The following SCAANT1 variants were observed in gnomAD, a reference collection of about 807,000 sequenced individuals.
SCAANT1 encodes SCA7/ATXN7 antisense RNA 1, also known as ATXN7 antisense RNA 1 (non-protein coding).
chr3:63,912,068 G>C (rs1231331195), upstream of SCAANT1: 1 of 152,230 alleles, frequency 6.6e-6, no homozygotes. Flanking sequence ...AGGAGGCGGC[G>C]GGAGGCGTCT....
At chr3:63,912,121 C>A (rs1053759105), upstream of SCAANT1, 16 of 152,260 alleles carry the variant, frequency 1.1e-4, no homozygotes, top group African/African-American at 3.4e-4. Flanking sequence ...CGGACGGACG[C>A]GCGGACGGAA....
upstream of SCAANT1, chr3:63,912,254 G>C (rs1197986545): frequency 6.6e-6 from 1 of 151,948 alleles, no homozygotes; most frequent in Non-Finnish European, 1.5e-5. Flanking sequence ...CGCGGGGTTG[G>C]AGCCGGGCCG....
chr3:63,912,044 G>A (rs1575881348), upstream of SCAANT1: 1 of 152,318 alleles, frequency 6.6e-6, no homozygotes, highest in African/African-American at 2.4e-5. Context: ...GAGAGGGAGG[G>A]ACCGGCAAGT....
chr3:63,912,340 C>T (rs1341466678), upstream of SCAANT1, among the ~76,000 whole-genome samples: 2 of 151,536 alleles, frequency 1.3e-5, no homozygotes, highest in Non-Finnish European at 1.5e-5. Context: ...GGCGGGCCGC[C>T]TGCTGCCCGT....
At chr3:63,912,079 C>G (rs909186184), upstream of SCAANT1, 1 of 152,254 alleles carries the variant, frequency 6.6e-6, no homozygotes, top group Non-Finnish European at 1.5e-5. Context: ...GGAGGCGTCT[C>G]CGCTTAAGGG....
At chr3:63,912,112 G>A (rs1036387215), upstream of SCAANT1, 1 of 152,186 alleles carries the variant, frequency 6.6e-6, no homozygotes, top group Non-Finnish European at 1.5e-5. Flanking sequence ...GCCGCCGCTC[G>A]GACGGACGCG....
At chr3:63,912,208 G>A (rs1390562915), upstream of SCAANT1, 1 of 152,314 alleles carries the variant, frequency 6.6e-6, no homozygotes, top group African/African-American at 2.4e-5. Context: ...CCTGGGGTGC[G>A]GCTCGGGCTT....
chr3:63,912,230 C>G (rs1704049076), upstream of SCAANT1: 1 of 152,006 alleles, frequency 6.6e-6, no homozygotes. Flanking sequence ...CCCGCGCGGG[C>G]TGCCATGGTG....
chr3:63,911,979 C>T (rs1234077301), upstream of SCAANT1: 1 of 152,336 alleles, frequency 6.6e-6, no homozygotes, highest in Non-Finnish European at 1.5e-5. Context: ...GCATTTCCGA[C>T]TTCGCCCTGG....
upstream of SCAANT1, chr3:63,912,080 C>A (rs981259483): frequency 1.3e-5 from 2 of 152,152 alleles, no homozygotes; most frequent in Non-Finnish European, 2.9e-5. Context: ...GAGGCGTCTC[C>A]GCTTAAGGGA....
upstream of SCAANT1, chr3:63,912,001 G>A (rs1321500118): frequency 3.9e-5 from 6 of 152,336 alleles, no homozygotes; most frequent in African/African-American, 1.2e-4. Context: ...TCCAGTCCGG[G>A]GGCTTGACGT....
chr3:63,912,109 C>T (rs926689117), upstream of SCAANT1: 1 of 152,206 alleles, frequency 6.6e-6, no homozygotes, highest in African/African-American at 2.4e-5. Context: ...GGTGCCGCCG[C>T]TCGGACGGAC....
At chr3:63,912,004 C>T (rs1704034374), upstream of SCAANT1, 1 of 152,326 alleles carries the variant, frequency 6.6e-6, no homozygotes, top group Non-Finnish European at 1.5e-5. Context: ...AGTCCGGGGG[C>T]TTGACGTGCA....
exon 1 of SCAANT1, chr3:63,911,660 TTC>T (rs1427376948): frequency 6.6e-6 from 1 of 152,244 alleles, no homozygotes; most frequent in Non-Finnish European, 1.5e-5. Context: ...TGATCTCATG[TTC>T]TCTCTTTGCT....
exon 1 of SCAANT1, chr3:63,911,538 AC>A: frequency 6.6e-6 from 1 of 152,312 alleles, no homozygotes; most frequent in East Asian, 1.9e-4. Flanking sequence ...TCAGATTTTT[AC>A]TTTTGGGGTG....
At chr3:63,911,958 C>T (rs1006068621), upstream of SCAANT1, 1 of 152,514 alleles carries the variant, frequency 6.6e-6, no homozygotes, top group East Asian at 1.9e-4. Flanking sequence ...CCGGCTCCTC[C>T]ATAGGTGGCT....
At chr3:63,912,011 T>C (rs1268984034), upstream of SCAANT1, 1 of 152,130 alleles carries the variant, frequency 6.6e-6, no homozygotes, top group Non-Finnish European at 1.5e-5. Flanking sequence ...GGGCTTGACG[T>C]GCAAACTTCG....
At chr3:63,912,288 G>C (rs1431642440), upstream of SCAANT1, 1 of 152,042 alleles carries the variant, frequency 6.6e-6, no homozygotes, top group Admixed American at 6.6e-5. Context: ...CTCCGCGCCA[G>C]GTCCTCTGAG....
upstream of SCAANT1, among the ~76,000 whole-genome samples, chr3:63,912,334 G>T (rs1389925599): frequency 2.0e-5 from 3 of 151,726 alleles, no homozygotes; most frequent in African/African-American, 4.8e-5. Context: ...CGCGGTGGCG[G>T]GCCGCCTGCT....
Sources: gnomAD v4.1 joint callset for allele counts (sites outside exome capture counted in the v4.1 genomes callset) on GRCh38, gnomAD v4.1.1 for gene constraint, MANE v1.5 for transcripts, NCBI Gene and HGNC (gene_info 2026-07-23, HGNC 2026-07-21) for gene names.